Variants in SOX6 observed in about 807,000 individuals in gnomAD.
SOX6 encodes the protein SRY-box transcription factor 6.
Under a neutral mutation model 97.8 loss-of-function variants are expected in SOX6, and 11 were observed. The ratio of observed to expected loss-of-function variants is 0.11; its 90% CI spans 0.07 to 0.19. The LOEUF is 0.19. Ranked by LOEUF, SOX6 falls within the 10% of genes least tolerant of loss-of-function variation. SOX6 has a pLI of 1.00. For missense variants in SOX6, 810 were observed against 1,039.5 expected (o/e 0.78, Z 3.04); for synonymous variants, 360 against 371.4 (o/e 0.97, Z 0.35).
intron 3 of SOX6, chr11:16,312,368 C>G (rs986308317): frequency 6.6e-6 from 1 of 152,134 alleles, no homozygotes; most frequent in African/African-American, 2.4e-5. Context: ...CATTGTATCC[C>G]TTTTCCTGCA....
At chr11:16,248,966 T>C (rs1037274909) in intron 3 of SOX6, among the ~76,000 whole-genome samples, 6 of 152,046 alleles carry the variant, frequency 3.9e-5, no homozygotes, top group Non-Finnish European at 7.4e-5. Context: ...CTGGGCATGG[T>C]GGCACATGCC....
intron 4 of SOX6, among the ~76,000 whole-genome samples, chr11:16,594,523 T>G (rs956653534): frequency 6.6e-6 from 1 of 152,072 alleles, no homozygotes; most frequent in African/African-American, 2.4e-5. Flanking sequence ...GCTAAGAAAT[T>G]TTAAAACAAT....
intron 6 of SOX6, among the ~76,000 whole-genome samples, chr11:16,138,866 C>G (rs949466877): frequency 4.6e-5 from 7 of 152,254 alleles, no homozygotes; most frequent in South Asian, 4.1e-4. Context: ...CTTGTCCCTA[C>G]AAAGGACATG....
At chr11:16,094,577 T>C (rs1034362643) in intron 9 of SOX6, among the ~76,000 whole-genome samples, 2 of 151,890 alleles carry the variant, frequency 1.3e-5, no homozygotes, top group African/African-American at 4.8e-5. Flanking sequence ...ATTTAAAAGC[T>C]CTCAAGCTGA....
intron 5 of SOX6, among the ~76,000 whole-genome samples, chr11:16,184,962 T>G (rs891462108): frequency 6.6e-6 from 1 of 152,168 alleles, no homozygotes; most frequent in African/African-American, 2.4e-5. Context: ...TTCTTCCTAC[T>G]TCCAAAGCCA....
chr11:16,550,252 T>C (rs1847667397), intron 4 of SOX6, among the ~76,000 whole-genome samples: 1 of 151,656 alleles, frequency 6.6e-6, no homozygotes, highest in African/African-American at 2.4e-5. Flanking sequence ...AACTCATAGG[T>C]GGGAAATGAA....
At chr11:16,723,927 C>G (rs1848285718) in intron 2 of SOX6, among the ~76,000 whole-genome samples, 3 of 152,132 alleles carry the variant, frequency 2.0e-5, no homozygotes, top group African/African-American at 7.2e-5. Flanking sequence ...AAACTTGACG[C>G]CCAAAGAATT....
chr11:16,731,517 C>A (rs1448131104), intron 2 of SOX6, among the ~76,000 whole-genome samples: 1 of 152,150 alleles, frequency 6.6e-6, no homozygotes, highest in African/African-American at 2.4e-5. Context: ...TCAATAGATG[C>A]AGAAAAGGCC....
intron 3 of SOX6, among the ~76,000 whole-genome samples, chr11:16,617,927 CTT>C (rs1220983622): frequency 6.6e-6 from 1 of 151,846 alleles, no homozygotes; most frequent in African/African-American, 2.4e-5. Context: ...TATGGATGCT[CTT>C]TCTGTTCTTG....
intron 9 of SOX6, among the ~76,000 whole-genome samples, chr11:16,079,024 T>C (rs888769998): frequency 1.3e-5 from 2 of 151,788 alleles, no homozygotes; most frequent in African/African-American, 2.4e-5. Flanking sequence ...TGTTCCATTC[T>C]GAGTTTCTGA....
chr11:16,070,484 A>G (rs1225804478), intron 9 of SOX6, among the ~76,000 whole-genome samples: 1 of 152,216 alleles, frequency 6.6e-6, no homozygotes, highest in Non-Finnish European at 1.5e-5. Flanking sequence ...TGCATTCAGG[A>G]GAGCATTTCC....
intron 4 of SOX6, among the ~76,000 whole-genome samples, chr11:16,549,530 G>A (rs565404091): frequency 6.6e-6 from 1 of 152,284 alleles, no homozygotes; most frequent in African/African-American, 2.4e-5. Context: ...AGCCATTGTG[G>A]AAACTTCTTT....
At chr11:16,339,304 T>A (rs191045506) in intron 2 of SOX6, among the ~76,000 whole-genome samples, 1 of 152,188 alleles carries the variant, frequency 6.6e-6, no homozygotes, top group African/African-American at 2.4e-5. Context: ...TCCTGTTTGA[T>A]ATAGCCCCTA....
At position 16,426,295 on chromosome 11, in the gene SOX6, A is replaced by C. The variant is rs546516423; in HGVS notation, c.-5+50020T>G. ...AAAAAAAAAAAAAAAAAAAAAAAAAAACCACTATTTTAAAATTCATATGGA... is the reference window on the plus strand; with the variant it reads ...AAAAAAAAAAAAAAAAAAAAAAAAACACCACTATTTTAAAATTCATATGGA... On this transcript the variant is annotated intron_variant, in intron 1 of 15. Coordinates refer to the SOX6 transcript ENST00000396356. Among the ~76,000 whole-genome samples the C allele has an allele frequency of 3.0e-3, 376 of 126,590 alleles. 11 individuals carry two copies. In the East Asian group the frequency reaches 0.059, roughly 20 times the overall value. 83.0% of individuals were successfully genotyped at this position (126,590 alleles called of 152,430 possible). A position where few individuals can be genotyped will look rare whatever the true frequency, so the allele number is the denominator to read the frequency against.
At chr11:16,337,375 A>ATC (rs1856496444) in intron 2 of SOX6, among the ~76,000 whole-genome samples, 6 of 152,168 alleles carry the variant, frequency 3.9e-5, no homozygotes, top group Non-Finnish European at 8.8e-5. Context: ...CTAGCAGATA[A>ATC]TTATTACACA....
chr11:15,999,889 G>T (rs1466978891), intron 13 of SOX6, among the ~76,000 whole-genome samples: 1 of 152,092 alleles, frequency 6.6e-6, no homozygotes, highest in African/African-American at 2.4e-5. Context: ...CCTTACTTGG[G>T]TTATTAGAGA....
intron 4 of SOX6, among the ~76,000 whole-genome samples, chr11:16,508,611 T>A (rs949036835): frequency 6.7e-6 from 1 of 148,456 alleles, no homozygotes; most frequent in African/African-American, 2.4e-5. Context: ...TTCTCCCGCA[T>A]ACATGAGAGG....
intron 2 of SOX6, among the ~76,000 whole-genome samples, chr11:16,735,188 C>A (rs1304856713): frequency 1.3e-5 from 2 of 152,068 alleles, no homozygotes; most frequent in Non-Finnish European, 2.9e-5. Flanking sequence ...TTAATCTGAA[C>A]CCATATAGTG....
chr11:16,101,281 C>T (rs1848941041), intron 7 of SOX6, among the ~76,000 whole-genome samples: 1 of 151,614 alleles, frequency 6.6e-6, no homozygotes, highest in African/African-American at 2.4e-5. Context: ...CGAAACCACA[C>T]TGTAGTAAAT....
Sources: gnomAD v4.1 joint callset for allele counts (sites outside exome capture counted in the v4.1 genomes callset) on GRCh38, gnomAD v4.1.1 for gene constraint, MANE v1.5 for transcripts, NCBI Gene and HGNC (gene_info 2026-07-23, HGNC 2026-07-21) for gene names.